CEP126: variants seen among roughly 807,000 people sequenced by gnomAD.
The protein encoded by CEP126 is centrosomal protein 126, also known as centrosomal protein of 126 kDa.
A neutral mutation model predicts 107.8 loss-of-function variants in CEP126; 74 were observed. That is an observed-to-expected ratio of 0.69 (90% CI 0.57 to 0.83). The LOEUF (loss-of-function observed/expected upper bound fraction) is 0.83. Among genes scored for constraint, CEP126 ranks in the 40% least tolerant of loss-of-function variants. CEP126 has a pLI of 0.00. For synonymous variants in CEP126, 449 were observed against 446.0 expected (o/e 1.01, Z -0.08); for missense variants, 1,237 against 1,281.9 (o/e 0.96, Z 0.53).
At chr11:101,920,066 A>G (rs1187666856) in intron 1 of CEP126, among the ~76,000 whole-genome samples, 2 of 152,238 alleles carry the variant, frequency 1.3e-5, no homozygotes, top group African/African-American at 4.8e-5. Context: ...ATCTTTAAGT[A>G]AAAATATGTT....
At chr11:101,973,645 C>T (rs763029179) in intron 6 of CEP126, among the ~76,000 whole-genome samples, 2 of 152,120 alleles carry the variant, frequency 1.3e-5, no homozygotes, top group Non-Finnish European at 2.9e-5. Flanking sequence ...ACATCCTGTA[C>T]ATGTATCCTA....
intron 1 of CEP126, among the ~76,000 whole-genome samples, chr11:101,917,364 C>T (rs544635687): frequency 6.6e-6 from 1 of 151,856 alleles, no homozygotes; most frequent in African/African-American, 2.4e-5. Flanking sequence ...ATGAAAGGAC[C>T]ACAGCCTTAA....
intron 2 of CEP126, among the ~76,000 whole-genome samples, chr11:101,940,597 T>A (rs1419169157): frequency 6.6e-6 from 1 of 152,222 alleles, no homozygotes; most frequent in Non-Finnish European, 1.5e-5. Context: ...AGATTTGTGC[T>A]GTGGTTGGTG....
At chr11:101,917,034 G>T (rs1940229737) in intron 1 of CEP126, among the ~76,000 whole-genome samples, 2 of 83,708 alleles carry the variant, frequency 2.4e-5, no homozygotes, top group African/African-American at 1.1e-4. Context: ...AACAATGTGT[G>T]TGTGTGTGTG....
At position 101,958,247 on chromosome 11, in the gene CEP126, T is replaced by C. The variant is rs1431487382; in HGVS notation, c.586T>C (p.Cys196Arg). 1.2e-6 allele frequency: 2 copies of C among 1,613,970 alleles called. No homozygotes were observed. The highest frequency in any genetic ancestry group is 4.5e-5 in the East Asian group (2 of 44,850). Reference sequence around the variant, plus strand: ...GAAACAACTCTTATCCAAAATCAATTGTGAGAAAGAAATGAATGAAAACAT... The same window carrying C: ...GAAACAACTCTTATCCAAAATCAATCGTGAGAAAGAAATGAATGAAAACAT... The part of the protein sequence containing the change: ...HQKQLLSKIN[C>R]EKEMNENMRA... The change falls in exon 5 of 11, where the codon TGT becomes CGT. Residue 196 changes from cysteine (C) to arginine (R), a missense_variant. By Grantham distance (180) the Cys-to-Arg change is radical. Coordinates refer to ENST00000263468, the MANE Select transcript of CEP126 (RefSeq NM_020802.4).
intron 1 of CEP126, among the ~76,000 whole-genome samples, chr11:101,920,873 T>C (rs1940315966): frequency 6.6e-6 from 1 of 152,174 alleles, no homozygotes; most frequent in African/African-American, 2.4e-5. Context: ...CCCAAATTGT[T>C]GGGATTACAG....
At chr11:101,915,765 GGAGA>G (rs955431849) in intron 1 of CEP126, among the ~76,000 whole-genome samples, 3 of 152,138 alleles carry the variant, frequency 2.0e-5, no homozygotes, top group Non-Finnish European at 4.4e-5. Flanking sequence ...CGTACTACTT[GGAGA>G]GAGAAATTAC....
intron 1 of CEP126, 149 bp downstream of exon 1, chr11:101,915,561 C>A: frequency 1.9e-6 from 2 of 1,068,372 alleles, no homozygotes; most frequent in African/African-American, 1.6e-5. Context: ...ACTGTCGTGT[C>A]TCACCTTAGA....
intron 2 of CEP126, 28 bp downstream of exon 2, chr11:101,922,788 A>G: frequency 6.3e-7 from 1 of 1,581,254 alleles, no homozygotes; most frequent in Non-Finnish European, 8.7e-7. Flanking sequence ...ATTCAGAAGT[A>G]TAGAAATTCA....
intron 2 of CEP126, among the ~76,000 whole-genome samples, chr11:101,934,746 T>C (rs1940551305): frequency 6.6e-6 from 1 of 152,150 alleles, no homozygotes; most frequent in African/African-American, 2.4e-5. Flanking sequence ...AAATATATCA[T>C]AATTTATTTA....
intron 2 of CEP126, among the ~76,000 whole-genome samples, chr11:101,937,362 G>A (rs888456314): frequency 3.3e-5 from 5 of 151,988 alleles, no homozygotes; most frequent in South Asian, 2.1e-4. Context: ...AAAAAATAAC[G>A]TGTTCAAGGT....
intron 10 of CEP126, 43 bp from the exon 11 acceptor site, chr11:101,997,556 T>C: frequency 6.2e-7 from 1 of 1,613,826 alleles, no homozygotes; most frequent in Non-Finnish European, 8.5e-7. Context: ...CTGCAGTGTT[T>C]TGGCATGTGT....
chr11:101,948,127 C>G lies in CEP126; in HGVS notation c.491C>G (p.Pro164Arg), dbSNP rs1184985966. The part of the protein sequence containing the change: ...SEVNLPFSRR[P>R]TINWRAIDSA... ...GTAAACCTTCCCTTTTCCCGTAGAC[C>G]AACAATAAACTGGAGGTAAGTAATT... is the stretch of plus-strand genomic sequence containing the variant. The change falls in exon 4 of 11, where the codon CCA (proline) becomes CGA (arginine). Residue 164 changes from proline (P) to arginine (R), a missense_variant. Physicochemically the swap from Pro to Arg is moderately radical, Grantham distance 103. Transcript: ENST00000263468. 4 of 1,591,838 alleles carry G rather than the reference C, an allele frequency of 2.5e-6. No homozygotes were observed. The highest frequency in any genetic ancestry group is 3.4e-6 in the Non-Finnish European group (4 of 1,161,338).
intron 2 of CEP126, among the ~76,000 whole-genome samples, chr11:101,939,407 A>T (rs929598452): frequency 2.0e-5 from 3 of 152,222 alleles, no homozygotes; most frequent in African/African-American, 2.4e-5. Flanking sequence ...GTATTAATAT[A>T]CATAGTCAAA....
intron 10 of CEP126, among the ~76,000 whole-genome samples, chr11:101,994,776 T>C (rs538363573): frequency 6.6e-6 from 1 of 152,328 alleles, no homozygotes; most frequent in African/African-American, 2.4e-5. Context: ...GGTATTAGTG[T>C]ACCAATCTTC....
At chr11:101,961,374 C>T (rs999311891) in intron 5 of CEP126, among the ~76,000 whole-genome samples, 7 of 152,140 alleles carry the variant, frequency 4.6e-5, no homozygotes, top group African/African-American at 1.7e-4. Flanking sequence ...GAAAAAAATA[C>T]AATTTATAAA....
At position 101,999,383 on chromosome 11, in the gene CEP126, T is replaced by C. The variant is rs998163594; in HGVS notation, c.*1740T>C. 2.0e-5 allele frequency: 3 copies of C among 151,372 alleles called. No individual in the cohort carries two copies. In the Admixed American group the frequency reaches 2.0e-4, roughly 10 times the overall value. The allele number at this position is 151,372 out of a possible 1,614,324, so 9.4% of individuals were successfully genotyped here. On this transcript the variant is annotated 3_prime_UTR_variant, in exon 11 of 11. Transcript: ENST00000263468. ...GCAGCATCCTGCATGCCAAAGTAGC[T>C]TCACCGTTAGTAATCCCTCACTTTA...
chr11:101,939,294 T>G (rs911168640), intron 2 of CEP126, among the ~76,000 whole-genome samples: 4 of 152,328 alleles, frequency 2.6e-5, no homozygotes, highest in Middle Eastern at 3.4e-3. Context: ...TGTGTCTTCC[T>G]GATGAATTGA....
chr11:101,991,754 A>G (rs565438413), intron 9 of CEP126, among the ~76,000 whole-genome samples: 1 of 152,348 alleles, frequency 6.6e-6, no homozygotes, highest in East Asian at 1.9e-4. Flanking sequence ...ACAAAAAGAA[A>G]ATTAACTACA....
Sources: gnomAD v4.1 joint callset for allele counts (sites outside exome capture counted in the v4.1 genomes callset) on GRCh38, gnomAD v4.1.1 for gene constraint, MANE v1.5 for transcripts, NCBI Gene and HGNC (gene_info 2026-07-23, HGNC 2026-07-21) for gene names.